Variants in GRIP1 observed in about 807,000 individuals in gnomAD.
GRIP1 encodes the protein glutamate receptor interacting protein 1.
Under a neutral mutation model 129.9 loss-of-function variants are expected in GRIP1, and 45 were observed. The observed-to-expected ratio is 0.35, with a 90% CI of 0.27 to 0.44. The LOEUF is 0.44. Among genes scored for constraint, GRIP1 ranks in the 20% least tolerant of loss-of-function variants. The pLI is 1.00. For synonymous variants in GRIP1, 530 were observed against 520.8 expected (o/e 1.02, Z -0.24); for missense variants, 1,196 against 1,396.8 (o/e 0.86, Z 2.29).
chr12:66,942,288 A>AT (rs5798847), intron 1 of GRIP1, among the ~76,000 whole-genome samples: 29,436 of 149,110 alleles, frequency 0.2, 3,239 homozygotes, highest in South Asian at 0.26. Context: ...TTCTGTTCTT[A>AT]TTTTTTTTTT....
At chr12:66,525,808 A>G (rs1337760501) in intron 5 of GRIP1, among the ~76,000 whole-genome samples, 1 of 152,164 alleles carries the variant, frequency 6.6e-6, no homozygotes, top group Non-Finnish European at 1.5e-5. Context: ...AAATCTCCTT[A>G]AGCTGATAAG....
intron 16 of GRIP1, among the ~76,000 whole-genome samples, chr12:66,400,242 G>A (rs1382115929): frequency 6.6e-6 from 1 of 150,828 alleles, no homozygotes; most frequent in Non-Finnish European, 1.5e-5. Context: ...AATGTCTTCT[G>A]GGTGATTCCG....
At chr12:67,048,228 A>T (rs1182052934) in intron 1 of GRIP1, among the ~76,000 whole-genome samples, 1 of 151,798 alleles carries the variant, frequency 6.6e-6, no homozygotes, top group East Asian at 1.9e-4. Flanking sequence ...ATACACTCAG[A>T]TCACACACAC....
At chr12:66,618,085 A>G (rs1380653010) in intron 1 of GRIP1, among the ~76,000 whole-genome samples, 2 of 152,192 alleles carry the variant, frequency 1.3e-5, no homozygotes, top group Non-Finnish European at 2.9e-5. Flanking sequence ...TCATAATAAC[A>G]CAATATTTGA....
At chr12:66,452,729 G>C (rs1470219096) in intron 11 of GRIP1, among the ~76,000 whole-genome samples, 1 of 152,048 alleles carries the variant, frequency 6.6e-6, no homozygotes, top group African/African-American at 2.4e-5. Context: ...AAATAAAGCA[G>C]TGGAAATAAA....
At chr12:66,887,396 T>C (rs2040583299) in intron 1 of GRIP1, among the ~76,000 whole-genome samples, 1 of 152,244 alleles carries the variant, frequency 6.6e-6, no homozygotes, top group African/African-American at 2.4e-5. Context: ...GGATTAATAA[T>C]GTACCCACTT....
chr12:67,005,745 T>C (rs769976011), intron 1 of GRIP1, among the ~76,000 whole-genome samples: 3 of 152,160 alleles, frequency 2.0e-5, no homozygotes, highest in Non-Finnish European at 4.4e-5. Context: ...TAGGTATCAT[T>C]ATCAAACCCA....
chr12:66,435,226 G>T (rs1178765205), intron 13 of GRIP1, among the ~76,000 whole-genome samples: 6 of 127,318 alleles, frequency 4.7e-5, no homozygotes, highest in African/African-American at 1.5e-4. Flanking sequence ...TTTGGAGACT[G>T]GTTCTCACTC....
chr12:66,396,762 A>G (rs904645087), intron 16 of GRIP1, among the ~76,000 whole-genome samples: 4 of 152,142 alleles, frequency 2.6e-5, no homozygotes, highest in Non-Finnish European at 5.9e-5. Flanking sequence ...TTATGACAGA[A>G]ATGGAAGCTG....
intron 7 of GRIP1, among the ~76,000 whole-genome samples, chr12:66,478,333 A>G (rs1565782973): frequency 6.6e-6 from 1 of 152,382 alleles, no homozygotes; most frequent in East Asian, 1.9e-4. Flanking sequence ...ATGAGATATC[A>G]TCTCACACAA....
chr12:66,832,690 T>C (rs2039540001), intron 1 of GRIP1, among the ~76,000 whole-genome samples: 1 of 152,196 alleles, frequency 6.6e-6, no homozygotes, highest in Non-Finnish European at 1.5e-5. Context: ...AAACAGATTC[T>C]ACATCATGCT....
At chr12:66,550,812 G>A (rs2062100229) in intron 2 of GRIP1, among the ~76,000 whole-genome samples, 1 of 152,160 alleles carries the variant, frequency 6.6e-6, no homozygotes, top group Non-Finnish European at 1.5e-5. Flanking sequence ...AACAGGAAAT[G>A]GCTCACCTCA....
chr12:66,656,265 T>C (rs980757683), intron 1 of GRIP1, among the ~76,000 whole-genome samples: 3 of 152,156 alleles, frequency 2.0e-5, no homozygotes, highest in Admixed American at 2.0e-4. Flanking sequence ...CAGGCAAAAT[T>C]TGAACTATAA....
intron 1 of GRIP1, among the ~76,000 whole-genome samples, chr12:67,042,548 C>G (rs1263766751): frequency 6.6e-6 from 1 of 152,132 alleles, no homozygotes; most frequent in East Asian, 1.9e-4. Context: ...CATTCTTTTT[C>G]TTAACTTGTT....
intron 9 of GRIP1, among the ~76,000 whole-genome samples, chr12:66,462,461 T>C (rs952764058): frequency 6.6e-6 from 1 of 152,184 alleles, no homozygotes; most frequent in Admixed American, 6.5e-5. Flanking sequence ...AAGACTTTTT[T>C]AAGAAAAAAA....
At chr12:66,754,970 C>T (rs1294953347) in intron 1 of GRIP1, among the ~76,000 whole-genome samples, 1 of 152,086 alleles carries the variant, frequency 6.6e-6, no homozygotes, top group Non-Finnish European at 1.5e-5. Flanking sequence ...TAGGAAGAAG[C>T]AAACGAGTAT....
chr12:66,844,629 A>G (rs957090718), intron 1 of GRIP1, among the ~76,000 whole-genome samples: 3 of 152,218 alleles, frequency 2.0e-5, no homozygotes, highest in African/African-American at 7.2e-5. Context: ...AATTGATTGC[A>G]GGGTCTTAAA....
In GRIP1 at chr12:66,515,801, A is replaced by G. The variant is rs774515610; in HGVS notation, c.579-37T>C. On this transcript the variant is annotated intron_variant, in intron 6 of 24. Transcript: ENST00000359742. ...ATAAAGGAATAGTCTTGATTAATTT[A>G]GCATAATGGGGCTTAGTATTAATAG... is the stretch of plus-strand genomic sequence containing the variant. 4 of 1,581,736 alleles carry G rather than the reference A, an allele frequency of 2.5e-6. No homozygotes were observed. The South Asian group carries it at 4.4e-5, about 17-fold the overall frequency.
intron 15 of GRIP1, among the ~76,000 whole-genome samples, chr12:66,415,677 C>T (rs547876498): frequency 3.9e-5 from 6 of 152,024 alleles, no homozygotes; most frequent in Non-Finnish European, 8.8e-5. Context: ...ACCCAAATGC[C>T]CATTAATGAT....
Sources: gnomAD v4.1 joint callset for allele counts (sites outside exome capture counted in the v4.1 genomes callset) on GRCh38, gnomAD v4.1.1 for gene constraint, MANE v1.5 for transcripts, NCBI Gene and HGNC (gene_info 2026-07-23, HGNC 2026-07-21) for gene names.